RNF157: variants seen among roughly 807,000 people sequenced by gnomAD.
RNF157 encodes E3 ubiquitin ligase RNF157.
Under a neutral mutation model 88.3 loss-of-function variants are expected in RNF157, and 55 were observed. The ratio of observed to expected loss-of-function variants is 0.62; its 90% CI spans 0.50 to 0.78. The LOEUF (loss-of-function observed/expected upper bound fraction) is 0.78. Among genes scored for constraint, RNF157 ranks in the 30% least tolerant of loss-of-function variants. The pLI is 0.00. For missense variants in RNF157, 788 were observed against 860.8 expected, an observed-to-expected ratio of 0.92 and a Z score of 1.06; for synonymous variants, 334 against 341.2, an observed-to-expected ratio of 0.98 and a Z score of 0.23.
In RNF157 at chr17:76,209,194, T is replaced by C. The variant is rs532597237; in HGVS notation, c.207+3170A>G. ...CCCATCTCAGCCTCAGCCTCCTGAG[T>C]AGCTGGGACCACAGGCACATGCCAC... is the stretch of plus-strand genomic sequence containing the variant. On this transcript the variant is annotated intron_variant, in intron 2 of 18. Transcript: ENST00000269391. Among the ~76,000 whole-genome samples the C allele has an allele frequency of 1.8e-4, 28 of 152,242 alleles. No homozygotes were observed. The South Asian group carries it at 3.7e-3, about 20-fold the overall frequency.
intron 18 of RNF157, chr17:76,147,578 A>G (rs1171853797): frequency 1.3e-5 from 2 of 152,860 alleles, no homozygotes; most frequent in East Asian, 3.8e-4. Flanking sequence ...TCAGATCTGA[A>G]GTCTGCTCTC....
At chr17:76,231,991 T>C (rs569152938) in intron 1 of RNF157, among the ~76,000 whole-genome samples, 2 of 152,344 alleles carry the variant, frequency 1.3e-5, no homozygotes, top group East Asian at 3.9e-4. Context: ...AACAAACTCA[T>C]ACGATATATA....
chr17:76,222,075 G>A (rs569305446), intron 1 of RNF157, among the ~76,000 whole-genome samples: 6 of 152,224 alleles, frequency 3.9e-5, no homozygotes. Context: ...AAATGTTCTA[G>A]AGGCCGGGCG....
At chr17:76,233,581 A>G (rs2070232116) in intron 1 of RNF157, among the ~76,000 whole-genome samples, 1 of 152,176 alleles carries the variant, frequency 6.6e-6, no homozygotes, top group South Asian at 2.1e-4. Flanking sequence ...TCTGTCACCC[A>G]GGCTGAAGCG....
chr17:76,233,712 T>C (rs548936971), intron 1 of RNF157, among the ~76,000 whole-genome samples: 44 of 152,268 alleles, frequency 2.9e-4, no homozygotes, highest in Admixed American at 1.5e-3. Flanking sequence ...AAAACAATTT[T>C]TGTAGAGACA....
chr17:76,194,466 C>T (rs1466037977), intron 2 of RNF157, among the ~76,000 whole-genome samples: 2 of 152,214 alleles, frequency 1.3e-5, no homozygotes, highest in African/African-American at 4.8e-5. Flanking sequence ...TGAGATGACT[C>T]TGCAGGCTCT....
Position 76,142,955 on chromosome 17 carries a change from G to C in RNF157, c.*2280C>G, listed in dbSNP as rs973972421. On this transcript the variant is annotated 3_prime_UTR_variant, in exon 19 of 19. Transcript: ENST00000269391. ...AGCCAGGCCCCACCTCTTCTCTTTG[G>C]GTGAACTGTTGACGTGACTATGTGA... The C allele has an allele frequency of 5.9e-5, 9 of 152,352 alleles. No individual in the cohort carries two copies. The highest frequency in any genetic ancestry group is 2.2e-4 in the African/African-American group (9 of 41,440). The allele number at this position is 152,352 out of a possible 1,614,324, so 9.4% of individuals were successfully genotyped here.
intron 1 of RNF157, among the ~76,000 whole-genome samples, chr17:76,223,514 T>TGAC (rs952985217): frequency 3.8e-4 from 58 of 152,256 alleles, no homozygotes; most frequent in African/African-American, 1.3e-3. Flanking sequence ...AAACAATACC[T>TGAC]GACTCTTCCT....
intron 2 of RNF157, among the ~76,000 whole-genome samples, chr17:76,209,798 C>T (rs928194231): frequency 5.3e-5 from 8 of 152,144 alleles, no homozygotes; most frequent in African/African-American, 1.7e-4. Context: ...CTCACTCTGT[C>T]GCCCAGGCTG....
rs763071977 is a variant in RNF157, at chr17:76,161,884, G to A, written c.911C>T (p.Thr304Met). The change falls in exon 10 of 19, where the codon ACG becomes ATG. Residue 304 changes from threonine (T) to methionine (M), a missense_variant. Physicochemically the swap from Thr to Met is moderately conservative, Grantham distance 81. Coordinates refer to ENST00000269391, the MANE Select transcript of RNF157 (RefSeq NM_052916.3). This position sits in a 1 kb window ranked among gnomAD's most constrained non-coding sequence, Gnocchi z 4.6. ...HLCLCNTCAD[T>M]LRYQANNCPI... is the part of the protein sequence containing the mutation. ...GCAGTTGTTGGCCTGGTAGCGCAGCGTGTCTGCACAGGTGTTACAGAGGCA... is the reference window on the plus strand; with the variant it reads ...GCAGTTGTTGGCCTGGTAGCGCAGCATGTCTGCACAGGTGTTACAGAGGCA... 2.7e-5 allele frequency: 44 copies of A among 1,614,102 alleles called. No individual in the cohort carries two copies. In the Admixed American group the frequency reaches 4.0e-4, roughly 15 times the overall value.
chr17:76,227,447 A>AT (rs1348658597), intron 1 of RNF157, among the ~76,000 whole-genome samples: 1 of 152,020 alleles, frequency 6.6e-6, no homozygotes, highest in Non-Finnish European at 1.5e-5. Context: ...GACTGACTCT[A>AT]TAACAGCACT....
intron 1 of RNF157, among the ~76,000 whole-genome samples, chr17:76,238,188 C>T (rs1269718573): frequency 6.6e-6 from 1 of 152,040 alleles, no homozygotes; most frequent in Non-Finnish European, 1.5e-5. Flanking sequence ...CATAAAGAGC[C>T]AGGTCAATTC....
Position 76,240,125 on chromosome 17 carries a change from C to T in RNF157, c.88+28G>A. 1 of 1,274,872 alleles carries T rather than the reference C, an allele frequency of 7.8e-7. No homozygotes were observed. The highest frequency in any genetic ancestry group is 1.0e-6 in the Non-Finnish European group (1 of 997,652). 79.0% of individuals were successfully genotyped at this position (1,274,872 alleles called of 1,614,324 possible). A position where few individuals can be genotyped will look rare whatever the true frequency, so the allele number is the denominator to read the frequency against. ...CCCTGCCCCTGCCCCTCTCCCTCCT[C>T]GCGGCTGCGGCGCCCGCCCGCCCTC... On this transcript the variant is annotated intron_variant, in intron 1 of 18. Coordinates refer to ENST00000269391, the MANE Select transcript of RNF157 (RefSeq NM_052916.3). The surrounding 1 kb of genome is among the most constrained non-coding windows in gnomAD (Gnocchi z 4.4).
intron 1 of RNF157, among the ~76,000 whole-genome samples, chr17:76,220,527 T>C (rs2069963236): frequency 6.6e-6 from 1 of 152,152 alleles, no homozygotes; most frequent in Non-Finnish European, 1.5e-5. Flanking sequence ...GAGTGAATAA[T>C]TAATAGATGA....
At chr17:76,182,803 TG>T (rs2069216128) in intron 2 of RNF157, among the ~76,000 whole-genome samples, 6 of 128,142 alleles carry the variant, frequency 4.7e-5, no homozygotes, top group African/African-American at 1.9e-4. Flanking sequence ...GATATATATA[TG>T]AGAGAGATAT....
intron 1 of RNF157, among the ~76,000 whole-genome samples, chr17:76,218,370 GT>G (rs2069926038): frequency 6.6e-6 from 1 of 152,338 alleles, no homozygotes; most frequent in African/African-American, 2.4e-5. Flanking sequence ...GCCAAGCCCA[GT>G]GGCTCACGCC....
At position 76,233,761 on chromosome 17, in the gene RNF157, G is replaced by A. The variant is rs569031893; in HGVS notation, c.88+6392C>T. On this transcript the variant is annotated intron_variant, in intron 1 of 18. Coordinates refer to ENST00000269391, the MANE Select transcript of RNF157 (RefSeq NM_052916.3). The stretch of plus-strand genomic sequence containing the variant: ...TTGCCCAGGCTGCTCTTGAACTCCT[G>A]GGCTTAAGCCATCCTTCAGCCTTGG... 6.6e-5 allele frequency among the ~76,000 whole-genome samples: 10 copies of A among 151,998 alleles called. No individual in the cohort carries two copies. In the South Asian group the frequency reaches 1.9e-3, roughly 28 times the overall value.
At chr17:76,183,320 G>C (rs965923839) in intron 2 of RNF157, among the ~76,000 whole-genome samples, 5 of 152,128 alleles carry the variant, frequency 3.3e-5, no homozygotes, top group African/African-American at 2.4e-5. Context: ...GTAGGAACTA[G>C]GAATCTGTAT....
In RNF157 at chr17:76,159,297, G is replaced by T. The variant is rs1483447258; in HGVS notation, c.1304+38C>A. 3.2e-6 allele frequency: 5 copies of T among 1,554,950 alleles called. No homozygotes were observed. The Admixed American group carries it at 6.7e-5, about 21-fold the overall frequency. On this transcript the variant is annotated intron_variant, in intron 12 of 18. Coordinates refer to ENST00000269391, the MANE Select transcript of RNF157 (RefSeq NM_052916.3). ...AGGAGGGATGAAGCATTTCATCAAGGATTCCGGGGGCAACAGTGTGGAGCA... is the reference window on the plus strand; with the variant it reads ...AGGAGGGATGAAGCATTTCATCAAGTATTCCGGGGGCAACAGTGTGGAGCA...
Sources: allele counts gnomAD v4.1 joint callset (sites outside exome capture counted in the v4.1 genomes callset), GRCh38; gene constraint gnomAD v4.1.1; non-coding constraint Gnocchi (gnomAD v3.1); transcripts MANE v1.5; gene names NCBI Gene and HGNC (gene_info 2026-07-23, HGNC 2026-07-21).